PPARGC1B: variants seen among roughly 807,000 people sequenced by gnomAD.
PPARGC1B encodes the protein peroxisome proliferator-activated receptor gamma coactivator 1-beta.
In PPARGC1B, 34 loss-of-function variants were observed where a neutral mutation model predicts 101.6. That is an observed-to-expected ratio of 0.33 (90% CI 0.25 to 0.45). The LOEUF (loss-of-function observed/expected upper bound fraction) is 0.45. Ranked by LOEUF, PPARGC1B falls within the 20% of genes least tolerant of loss-of-function variation. The pLI is 1.00. For missense variants in PPARGC1B, 1,234 were observed against 1,317.6 expected (o/e 0.94, Z 0.98); for synonymous variants, 548 against 539.3 (o/e 1.02, Z -0.22).
Position 149,853,742 on chromosome 5 carries a change from C to T in PPARGC1B, c.*6184C>T, listed in dbSNP as rs1232719137. 3.3e-5 allele frequency: 5 copies of T among 152,122 alleles called. No individual in the cohort carries two copies. Among genetic ancestry groups the T allele is most frequent in the Non-Finnish European group, 5.9e-5 (4 of 68,020 alleles). The allele number at this position is 152,122 out of a possible 1,614,324, so 9.4% of individuals were successfully genotyped here. A position where few individuals can be genotyped will look rare whatever the true frequency, so the allele number is the denominator to read the frequency against. On this transcript the variant is annotated 3_prime_UTR_variant, in exon 12 of 12. Transcript: ENST00000309241. The surrounding 1 kb of genome is among the most constrained non-coding windows in gnomAD (Gnocchi z 4.2). The stretch of plus-strand genomic sequence containing the variant: ...TCATAAACTATTCCCAACTTTGTTT[C>T]TTGAGGGATGTTCTGATTCCAATGG...
chr5:149,814,595 C>T (rs1268022164), intron 1 of PPARGC1B, among the ~76,000 whole-genome samples: 3 of 152,204 alleles, frequency 2.0e-5, no homozygotes, highest in African/African-American at 7.2e-5. Context: ...AGCTTCCTTC[C>T]ACTCAGTAGT....
At chr5:149,840,494 G>A (rs191268822) in intron 9 of PPARGC1B, among the ~76,000 whole-genome samples, 38 of 152,234 alleles carry the variant, frequency 2.5e-4, no homozygotes, top group African/African-American at 7.7e-4. Context: ...CTATGTGACC[G>A]TGGGCAGGTC....
At chr5:149,777,336 G>C (rs533218399) in intron 1 of PPARGC1B, among the ~76,000 whole-genome samples, 1 of 152,118 alleles carries the variant, frequency 6.6e-6, no homozygotes, top group Non-Finnish European at 1.5e-5. Flanking sequence ...CACATGCCAC[G>C]GTTGCTGAGC....
chr5:149,743,739 G>A (rs1198338113), intron 1 of PPARGC1B, among the ~76,000 whole-genome samples: 1 of 152,164 alleles, frequency 6.6e-6, no homozygotes, highest in Non-Finnish European at 1.5e-5. Flanking sequence ...GGAGTCACCT[G>A]CCCTTGTCAC....
intron 1 of PPARGC1B, among the ~76,000 whole-genome samples, chr5:149,819,205 A>G (rs187013069): frequency 1.3e-5 from 2 of 152,334 alleles, no homozygotes; most frequent in East Asian, 3.9e-4. Flanking sequence ...GATTCAGGCA[A>G]TGCTGTTATC....
rs1194287012 is a variant in PPARGC1B at position 149,730,449 on chromosome 5, G to T, written c.78+29G>T. ...CGGCCGGCTGGGGCTGCGGGCCCGG[G>T]GCCAGGGGTGCTGAGCTGCGGGGGC... On this transcript the variant is annotated intron_variant, in intron 1 of 11. Coordinates refer to ENST00000309241, the MANE Select transcript of PPARGC1B (RefSeq NM_133263.4). This position sits in a 1 kb window ranked among gnomAD's most constrained non-coding sequence, Gnocchi z 4.0. 3 of 1,514,148 alleles carry T rather than the reference G, an allele frequency of 2.0e-6. No homozygotes were observed. The highest frequency in any genetic ancestry group is 5.4e-5 in the East Asian group (2 of 36,946). The allele number at this position is 1,514,148 out of a possible 1,614,324, so 93.8% of individuals were successfully genotyped here.
In PPARGC1B at chr5:149,851,256, G is replaced by A. The variant is rs1343648658; in HGVS notation, c.*3698G>A. On this transcript the variant is annotated 3_prime_UTR_variant, in exon 12 of 12. Coordinates refer to ENST00000309241, the MANE Select transcript of PPARGC1B (RefSeq NM_133263.4). ...TGATTTCTCCTAGACATGTGCAGTAGGCCCACTGGGGCTGCTGTGCAGTGG... is the reference window on the plus strand; with the variant it reads ...TGATTTCTCCTAGACATGTGCAGTAAGCCCACTGGGGCTGCTGTGCAGTGG... 1.3e-5 allele frequency: 2 copies of A among 152,060 alleles called. No individual in the cohort carries two copies. Among genetic ancestry groups the A allele is most frequent in the African/African-American group, 4.8e-5 (2 of 41,296 alleles). The allele number at this position is 152,060 out of a possible 1,614,324, so 9.4% of individuals were successfully genotyped here. A position where few individuals can be genotyped will look rare whatever the true frequency, so the allele number is the denominator to read the frequency against.
Position 149,832,547 on chromosome 5 carries a change from TC to T in PPARGC1B, c.583-107del. On this transcript the variant is annotated intron_variant, in intron 4 of 11. Coordinates refer to ENST00000309241, the MANE Select transcript of PPARGC1B (RefSeq NM_133263.4). The surrounding 1 kb of genome is among the most constrained non-coding windows in gnomAD (Gnocchi z 4.9). ...GACGGAATGAAGGAAACCTGGCTGT[TC>T]CTATGATCCAGGTGAGACACAATGG... 4.5e-6 allele frequency: 4 copies of T among 883,790 alleles called. No individual in the cohort carries two copies. The South Asian group carries it at 6.7e-5, about 15-fold the overall frequency. 54.7% of individuals were successfully genotyped at this position (883,790 alleles called of 1,614,324 possible). A position where few individuals can be genotyped will look rare whatever the true frequency, so the allele number is the denominator to read the frequency against.
At chr5:149,818,407 G>A (rs908285184) in intron 1 of PPARGC1B, among the ~76,000 whole-genome samples, 2 of 152,170 alleles carry the variant, frequency 1.3e-5, no homozygotes, top group African/African-American at 4.8e-5. Flanking sequence ...GGGTGGTGGG[G>A]CCATGCTCCC....
At chr5:149,772,608 C>T (rs1201351174) in intron 1 of PPARGC1B, among the ~76,000 whole-genome samples, 1 of 152,092 alleles carries the variant, frequency 6.6e-6, no homozygotes, top group South Asian at 2.1e-4. Context: ...TTCACGTGGT[C>T]TTTGGTCTGT....
chr5:149,730,365 C>T lies in PPARGC1B; in HGVS notation c.23C>T (p.Ala8Val). The stretch of plus-strand genomic sequence containing the variant: ...AAGATGGCGGGGAACGACTGCGGCG[C>T]GCTGCTGGACGAAGAGCTCTCCTCC... MAGNDCG[A>V]LLDEELSSFF... The change falls in exon 1 of 12, where the codon GCG becomes GTG. Residue 8 changes from alanine to valine, a missense_variant. Physicochemically the swap from Ala to Val is moderately conservative, Grantham distance 64. Coordinates refer to ENST00000309241, the MANE Select transcript of PPARGC1B (RefSeq NM_133263.4). The surrounding 1 kb of genome is among the most constrained non-coding windows in gnomAD (Gnocchi z 4.0). The T allele has an allele frequency of 1.1e-5, 17 of 1,569,714 alleles. No homozygotes were observed. Among genetic ancestry groups the T allele is most frequent in the Non-Finnish European group, 1.4e-5 (16 of 1,160,798 alleles).
intron 1 of PPARGC1B, among the ~76,000 whole-genome samples, chr5:149,801,819 T>C (rs1398778792): frequency 6.6e-6 from 1 of 152,122 alleles, no homozygotes; most frequent in Non-Finnish European, 1.5e-5. Flanking sequence ...GTGAGGAAGC[T>C]ACAGGAAGGC....
In PPARGC1B at chr5:149,828,418, G is replaced by A. The variant is rs140490653; in HGVS notation, c.465+1533G>A. ...GTTAATAATAGTGCCTATGTCAAAG[G>A]CTATTAGGAGGATTACAGCAGATAA... On this transcript the variant is annotated intron_variant, in intron 3 of 11. Coordinates refer to ENST00000309241, the MANE Select transcript of PPARGC1B (RefSeq NM_133263.4). 5.3e-5 allele frequency among the ~76,000 whole-genome samples: 8 copies of A among 152,304 alleles called. No individual in the cohort carries two copies. The East Asian group carries it at 1.3e-3, about 26-fold the overall frequency.
chr5:149,808,814 A>G (rs1581078232), intron 1 of PPARGC1B, among the ~76,000 whole-genome samples: 1 of 152,180 alleles, frequency 6.6e-6, no homozygotes, highest in African/African-American at 2.4e-5. Flanking sequence ...ACAGTGGGCA[A>G]CAAGGCAAAC....
At chr5:149,750,807 G>A (rs895502137) in intron 1 of PPARGC1B, among the ~76,000 whole-genome samples, 4 of 152,212 alleles carry the variant, frequency 2.6e-5, no homozygotes, top group African/African-American at 7.2e-5. Context: ...TGCATTAGGT[G>A]ACCATGGGAC....
In PPARGC1B at chr5:149,841,421, G is replaced by A. The variant is rs372072424; in HGVS notation, c.2695-835G>A. ...TACAGTTCCCCTGACTGTTGACGAC[G>A]GAGTCCTGTTTGTGGACCCGCCACC... On this transcript the variant is annotated intron_variant, in intron 9 of 11. Transcript: ENST00000309241. Among the ~76,000 whole-genome samples the A allele has an allele frequency of 4.6e-5, 7 of 152,250 alleles. No individual in the cohort carries two copies. In the South Asian group the frequency reaches 1.0e-3, roughly 23 times the overall value.
chr5:149,772,066 A>G (rs932771274), intron 1 of PPARGC1B: 18 of 1,556,546 alleles, frequency 1.2e-5, no homozygotes, highest in Admixed American at 2.0e-5. Flanking sequence ...ACAGGTGGGG[A>G]CCTCTGAGGG....
chr5:149,794,524 GCACACACACACACA>G (rs35484083), intron 1 of PPARGC1B, among the ~76,000 whole-genome samples: 2 of 143,560 alleles, frequency 1.4e-5, no homozygotes, highest in African/African-American at 2.5e-5. Context: ...ATGTGAGCGT[GCACACACACACACA>G]CACACACACA....
intron 4 of PPARGC1B, among the ~76,000 whole-genome samples, chr5:149,831,180 T>C (rs909652318): frequency 3.9e-5 from 6 of 152,288 alleles, no homozygotes; most frequent in Middle Eastern, 3.4e-3. Flanking sequence ...ATTCCAACAG[T>C]GTGACAGACC....
Sources: allele counts gnomAD v4.1 joint callset (sites outside exome capture counted in the v4.1 genomes callset), GRCh38; gene constraint gnomAD v4.1.1; non-coding constraint Gnocchi (gnomAD v3.1); transcripts MANE v1.5; gene names NCBI Gene and HGNC (gene_info 2026-07-23, HGNC 2026-07-21).